The following TRIM16 variants were observed in gnomAD, a reference collection of about 807,000 sequenced individuals.
TRIM16 encodes tripartite motif containing 16, also known as tripartite motif-containing protein 16.
Under a neutral mutation model 50.4 loss-of-function variants are expected in TRIM16, and 33 were observed. The ratio of observed to expected loss-of-function variants is 0.65; its 90% confidence interval spans 0.50 to 0.88. The LOEUF (loss-of-function observed/expected upper bound fraction) is 0.88, where lower values mean the gene tolerates loss of function less well. Among genes scored for constraint, TRIM16 ranks in the 40% least tolerant of loss-of-function variants. The pLI is 0.00. For missense variants in TRIM16, 581 were observed against 686.8 expected (o/e 0.85, Z 1.72); for synonymous variants, 229 against 270.7 (o/e 0.85, Z 1.51).
Position 15,683,069 on chromosome 17 carries a change from T to C in TRIM16, c.-810A>G. 6 of 1,550,630 alleles carry C rather than the reference T, an allele frequency of 3.9e-6. No homozygotes were observed. Among genetic ancestry groups the C allele is most frequent in the Non-Finnish European group, 5.2e-6 (6 of 1,147,010 alleles). Reference sequence around the variant, plus strand: ...TGGAGTTTGCAGGTCCAATCCTCCATAATCATAGCCTTTGCTTCACTATTT... The same window carrying C: ...TGGAGTTTGCAGGTCCAATCCTCCACAATCATAGCCTTTGCTTCACTATTT... On this transcript the variant is annotated 5_prime_UTR_variant, in exon 2 of 12. It removes an upstream start codon present in the reference 5' UTR. Transcript: ENST00000649191.
intron 6 of TRIM16, among the ~76,000 whole-genome samples, chr17:15,672,011 T>G (rs2151421420): frequency 6.6e-6 from 1 of 152,232 alleles, no homozygotes; most frequent in Non-Finnish European, 1.5e-5. Flanking sequence ...CAGAAAGCCC[T>G]ACTTTAATCA....
chr17:15,682,472 T>G, intron 3 of TRIM16, among the ~76,000 whole-genome samples: 1 of 152,218 alleles, frequency 6.6e-6, no homozygotes, highest in East Asian at 1.9e-4. Context: ...CCCTTCTAAT[T>G]TGGGGGATCC....
chr17:15,658,967 CA>C, intron 6 of TRIM16: 1 of 736,086 alleles, frequency 1.4e-6, no homozygotes, highest in Non-Finnish European at 1.7e-6. Context: ...CAGCAGATTA[CA>C]GACACTAAGG....
chr17:15,640,398 T>C (rs1228457712), intron 8 of TRIM16, among the ~76,000 whole-genome samples: 1 of 148,994 alleles, frequency 6.7e-6, no homozygotes, highest in Admixed American at 6.6e-5. Context: ...CAAGACCAGA[T>C]GAGAGACAGG....
intron 4 of TRIM16, among the ~76,000 whole-genome samples, chr17:15,678,940 C>A (rs2530103): frequency 0.026 from 3,809 of 147,502 alleles, 171 homozygotes; most frequent in African/African-American, 0.093. Flanking sequence ...GGCCACGATG[C>A]TCTCGGCTTA....
chr17:15,682,322 TC>T (rs1989214796), intron 3 of TRIM16, among the ~76,000 whole-genome samples: 1 of 152,194 alleles, frequency 6.6e-6, no homozygotes, highest in Non-Finnish European at 1.5e-5. Flanking sequence ...GCCTGTCCCC[TC>T]CCTGTACTGG....
chr17:15,632,134 A>C, intron 10 of TRIM16: 1 of 281,228 alleles, frequency 3.6e-6, no homozygotes, highest in Non-Finnish European at 6.8e-6. Flanking sequence ...CACACCTGTA[A>C]TCCCAGCACT....
At chr17:15,668,168 C>T (rs1456345511) in intron 6 of TRIM16, among the ~76,000 whole-genome samples, 1 of 152,214 alleles carries the variant, frequency 6.6e-6, no homozygotes, top group South Asian at 2.1e-4. Context: ...CCACTGTGCT[C>T]TACATGGACT....
chr17:15,683,339 C>A (rs755810827), intron 1 of TRIM16, 182 bp from the exon 2 acceptor site: 6 of 524,228 alleles, frequency 1.1e-5, no homozygotes, highest in South Asian at 2.1e-5. Context: ...GTCTCAGTAC[C>A]TTTATACCAC....
rs776968056 is a variant in TRIM16 at position 15,682,844 on chromosome 17, G to C, written c.-679+10C>G. ...ATTAGTAAAATCACCACCATTCTTC[G>C]CACACTCACCACGCACCAGGTGCTT... On this transcript the variant is annotated intron_variant, in intron 3 of 11. Coordinates refer to ENST00000649191, the MANE Select transcript of TRIM16 (RefSeq NM_001348119.1). 7.0e-7 allele frequency: 1 copy of C among 1,419,026 alleles called. No individual in the cohort carries two copies. Among genetic ancestry groups the C allele is most frequent in the Non-Finnish European group, 9.2e-7 (1 of 1,090,828 alleles). 87.9% of individuals were successfully genotyped at this position (1,419,026 alleles called of 1,614,324 possible).
intron 7 of TRIM16, among the ~76,000 whole-genome samples, chr17:15,650,862 CAG>C: frequency 6.6e-6 from 1 of 152,266 alleles, no homozygotes; most frequent in East Asian, 1.9e-4. Flanking sequence ...AGAGATCGCA[CAG>C]AGACAGTGGG....
chr17:15,644,301 T>C (rs1272675266), intron 7 of TRIM16, among the ~76,000 whole-genome samples: 1 of 152,092 alleles, frequency 6.6e-6, no homozygotes, highest in Non-Finnish European at 1.5e-5. Flanking sequence ...TTCTCCTGCT[T>C]CAGCCTCCCG....
chr17:15,655,615 C>T (rs1987938957), intron 6 of TRIM16, among the ~76,000 whole-genome samples: 1 of 151,934 alleles, frequency 6.6e-6, no homozygotes, highest in African/African-American at 2.4e-5. Context: ...CGCTCTGTCG[C>T]CCAGGCTGGA....
At chr17:15,664,625 A>T (rs977368576) in intron 6 of TRIM16, among the ~76,000 whole-genome samples, 1 of 152,226 alleles carries the variant, frequency 6.6e-6, no homozygotes, top group African/African-American at 2.4e-5. Context: ...CTAGCGTCTC[A>T]GAGCTAGACA....
intron 6 of TRIM16, among the ~76,000 whole-genome samples, chr17:15,656,767 T>C (rs1385777712): frequency 6.6e-6 from 1 of 152,182 alleles, no homozygotes; most frequent in Non-Finnish European, 1.5e-5. Context: ...TTTTGTTTTT[T>C]GAAACAGGGT....
Position 15,668,552 on chromosome 17 carries a change from CT to C in TRIM16, c.-338+8623del, listed in dbSNP as rs1472711914. On this transcript the variant is annotated intron_variant, in intron 6 of 11. Coordinates refer to ENST00000649191, the MANE Select transcript of TRIM16 (RefSeq NM_001348119.1). ...AACCTGTGCTCCAGCGTCATTCCCC[CT>C]CTTCCTCAGGCCCTCGTTCCTTCCT... Among the ~76,000 whole-genome samples, 5 of 152,282 alleles carry C rather than the reference CT, an allele frequency of 3.3e-5. No homozygotes were observed. The East Asian group carries it at 9.6e-4, about 29-fold the overall frequency.
At chr17:15,660,212 C>A (rs907237690) in intron 6 of TRIM16, among the ~76,000 whole-genome samples, 1 of 152,142 alleles carries the variant, frequency 6.6e-6, no homozygotes, top group Non-Finnish European at 1.5e-5. Flanking sequence ...GACCCCTCAA[C>A]AAAGGAAGGA....
Position 15,672,134 on chromosome 17 carries a change from T to C in TRIM16, c.-338+5042A>G, listed in dbSNP as rs184751877. Among the ~76,000 whole-genome samples, 403 of 152,234 alleles carry C rather than the reference T, an allele frequency of 2.6e-3. 1 individual carries two copies. The highest frequency in any genetic ancestry group is 4.2e-3 in the Admixed American group (64 of 15,292). On this transcript the variant is annotated intron_variant, in intron 6 of 11. Transcript: ENST00000649191. ...TGCTTGGAGGAATTAATTTAACATA[T>C]AAATTAATTTTCCCTTCATTGGACA...
chr17:15,682,780 G>C, intron 3 of TRIM16, 74 bp downstream of exon 3: 1 of 1,319,414 alleles, frequency 7.6e-7, no homozygotes, highest in Non-Finnish European at 9.8e-7. Context: ...ACGGAAGTAA[G>C]GTATCTTCTT....
Sources: allele counts gnomAD v4.1 joint callset (sites outside exome capture counted in the v4.1 genomes callset), GRCh38; gene constraint gnomAD v4.1.1; transcripts MANE v1.5; gene names NCBI Gene and HGNC (gene_info 2026-07-23, HGNC 2026-07-21).